The following MPPED2 variants were observed in gnomAD, a reference collection of about 807,000 sequenced individuals.
MPPED2 encodes the protein metallophosphoesterase domain containing 2.
A neutral mutation model predicts 33.0 loss-of-function variants in MPPED2; 5 were observed. The observed-to-expected ratio is 0.15, with a 90% CI of 0.08 to 0.32. The LOEUF (loss-of-function observed/expected upper bound fraction) is 0.32. Ranked by LOEUF, MPPED2 falls within the 10% of genes least tolerant of loss-of-function variation. MPPED2 has a pLI of 1.00. For synonymous variants in MPPED2, 136 were observed against 141.9 expected (o/e 0.96, Z 0.29); for missense variants, 275 against 372.1 (o/e 0.74, Z 2.15).
intron 4 of MPPED2, among the ~76,000 whole-genome samples, chr11:30,427,780 G>GAGAGGGGAA (rs1948904972): frequency 6.6e-6 from 1 of 152,180 alleles, no homozygotes; most frequent in Non-Finnish European, 1.5e-5. Flanking sequence ...GGGGTGAAGG[G>GAGAGGGGAA]AGAGGGGAAA....
rs35619209 is a variant in MPPED2 at position 30,489,052 on chromosome 11, C to CTTTTTTTTTTTTTTT, written c.536+6243_536+6244insAAAAAAAAAAAAAAA. Among the ~76,000 whole-genome samples, 2 of 141,186 alleles carry CTTTTTTTTTTTTTTT rather than the reference C, an allele frequency of 1.4e-5. 1 individual carries two copies. The highest frequency in any genetic ancestry group is 5.4e-5 in the African/African-American group (2 of 37,184). 92.6% of individuals were successfully genotyped at this position (141,186 alleles called of 152,430 possible). A position where few individuals can be genotyped will look rare whatever the true frequency, so the allele number is the denominator to read the frequency against. On this transcript the variant is annotated intron_variant, in intron 4 of 6. Transcript: ENST00000358117. ...TTTCTTTTTTCTTCTTCTTCTTCTC[C>CTTTTTTTTTTTTTTT]TTTTTTTTTTTTTTGCCTAAGTTAA...
chr11:30,476,018 T>C (rs1023228416), intron 4 of MPPED2, among the ~76,000 whole-genome samples: 6 of 152,128 alleles, frequency 3.9e-5, no homozygotes, highest in East Asian at 1.9e-4. Context: ...TCTTTTCATA[T>C]ACTTGTTGGC....
chr11:30,420,143 A>G (rs1209354690), intron 4 of MPPED2, among the ~76,000 whole-genome samples: 1 of 152,204 alleles, frequency 6.6e-6, no homozygotes, highest in Non-Finnish European at 1.5e-5. Context: ...GATGACCTGA[A>G]AATAGTAAGA....
At chr11:30,473,559 C>T (rs1951043848) in intron 4 of MPPED2, among the ~76,000 whole-genome samples, 1 of 152,114 alleles carries the variant, frequency 6.6e-6, no homozygotes, top group African/African-American at 2.4e-5. Flanking sequence ...CAGCGATCTC[C>T]CTGTCTGGTA....
intron 2 of MPPED2, among the ~76,000 whole-genome samples, chr11:30,569,168 G>A (rs1315762080): frequency 6.6e-6 from 1 of 152,092 alleles, no homozygotes; most frequent in African/African-American, 2.4e-5. Context: ...ATGGAGAGAT[G>A]CAAAACAGGG....
intron 2 of MPPED2, among the ~76,000 whole-genome samples, chr11:30,542,895 A>G (rs754187938): frequency 7.9e-5 from 12 of 152,206 alleles, no homozygotes; most frequent in Non-Finnish European, 1.8e-4. Context: ...GAGAATAAAA[A>G]TAATTTTAAA....
At chr11:30,563,267 G>C (rs570372776) in intron 2 of MPPED2, among the ~76,000 whole-genome samples, 1 of 152,130 alleles carries the variant, frequency 6.6e-6, no homozygotes, top group Non-Finnish European at 1.5e-5. Context: ...ATGGGGGTAT[G>C]AGGGGGTACG....
chr11:30,441,990 T>A (rs902893240), intron 4 of MPPED2, among the ~76,000 whole-genome samples: 1 of 152,174 alleles, frequency 6.6e-6, no homozygotes, highest in African/African-American at 2.4e-5. Flanking sequence ...ATGCAGAAGA[T>A]GTAAAATAAA....
chr11:30,394,610 AT>A (rs1947818126), intron 6 of MPPED2, among the ~76,000 whole-genome samples: 1 of 152,048 alleles, frequency 6.6e-6, no homozygotes, highest in South Asian at 2.1e-4. Context: ...CCCATTTTTA[AT>A]TTGGTTGAAT....
At chr11:30,495,016 G>T in intron 4 of MPPED2, 1 of 360,864 alleles carries the variant, frequency 2.8e-6, no homozygotes, top group Non-Finnish European at 5.0e-6. Context: ...TTTATCAGTG[G>T]GAGGTCCTGG....
At chr11:30,424,135 A>T (rs1948732048) in intron 4 of MPPED2, among the ~76,000 whole-genome samples, 1 of 152,238 alleles carries the variant, frequency 6.6e-6, no homozygotes, top group African/African-American at 2.4e-5. Flanking sequence ...AAGGCTGCTT[A>T]GCCAGCTAGT....
chr11:30,574,634 T>C (rs778159416), intron 2 of MPPED2, among the ~76,000 whole-genome samples: 11 of 152,156 alleles, frequency 7.2e-5, no homozygotes, highest in Non-Finnish European at 1.0e-4. Flanking sequence ...TATTCCTTGA[T>C]TGCAATATAA....
At chr11:30,491,499 A>T (rs919909816) in intron 4 of MPPED2, among the ~76,000 whole-genome samples, 3 of 152,246 alleles carry the variant, frequency 2.0e-5, no homozygotes, top group South Asian at 2.1e-4. Flanking sequence ...AAACATTAAC[A>T]CATCACTATT....
At chr11:30,571,083 A>C (rs1956668350) in intron 2 of MPPED2, among the ~76,000 whole-genome samples, 1 of 152,142 alleles carries the variant, frequency 6.6e-6, no homozygotes, top group Non-Finnish European at 1.5e-5. Context: ...TTAGGATTTT[A>C]AAGCTCAATA....
At chr11:30,484,776 T>C (rs1951644101) in intron 4 of MPPED2, among the ~76,000 whole-genome samples, 1 of 152,170 alleles carries the variant, frequency 6.6e-6, no homozygotes, top group Non-Finnish European at 1.5e-5. Context: ...GGTTTCTACG[T>C]ATCCAGATCA....
intron 4 of MPPED2, among the ~76,000 whole-genome samples, chr11:30,429,922 T>A (rs1177228223): frequency 6.6e-6 from 1 of 152,170 alleles, no homozygotes; most frequent in Admixed American, 6.5e-5. Context: ...TTATTTCCTA[T>A]CTCATTCCGA....
At chr11:30,545,175 G>T (rs572126745) in intron 2 of MPPED2, among the ~76,000 whole-genome samples, 1 of 152,302 alleles carries the variant, frequency 6.6e-6, no homozygotes, top group South Asian at 2.1e-4. Context: ...AAGAGGAACA[G>T]AGGGCCACAG....
chr11:30,429,708 G>T (rs1272793822), intron 4 of MPPED2, among the ~76,000 whole-genome samples: 3 of 152,118 alleles, frequency 2.0e-5, no homozygotes, highest in African/African-American at 7.2e-5. Flanking sequence ...CCATCTGGTT[G>T]GGATAACAAG....
chr11:30,535,979 G>A lies in MPPED2; in HGVS notation c.310+15C>T, dbSNP rs756547189. The A allele has an allele frequency of 5.7e-6, 9 of 1,575,202 alleles. No individual in the cohort carries two copies. The highest frequency in any genetic ancestry group is 3.7e-5 in the Admixed American group (2 of 53,864). ...AAAGGTTAATTGGGGCCGCCAGAAC[G>A]CAATCATTCCTTACCTAACCAGTCA... On this transcript the variant is annotated intron_variant, in intron 3 of 6. Coordinates refer to ENST00000358117, the MANE Select transcript of MPPED2 (RefSeq NM_001584.3).
Sources: allele counts gnomAD v4.1 joint callset (sites outside exome capture counted in the v4.1 genomes callset), GRCh38; gene constraint gnomAD v4.1.1; transcripts MANE v1.5; gene names NCBI Gene and HGNC (gene_info 2026-07-23, HGNC 2026-07-21).